The following CNTNAP5 variants were observed in gnomAD, a reference collection of about 807,000 sequenced individuals.
The protein encoded by CNTNAP5 is contactin associated protein family member 5.
A neutral mutation model predicts 150.2 loss-of-function variants in CNTNAP5; 72 were observed. The ratio of observed to expected loss-of-function variants is 0.48; its 90% CI spans 0.40 to 0.58. The LOEUF (loss-of-function observed/expected upper bound fraction) is 0.58, where lower values mean the gene tolerates loss of function less well. Ranked by LOEUF, CNTNAP5 falls within the 20% of genes least tolerant of loss-of-function variation. The pLI is 0.00. For synonymous variants in CNTNAP5, 672 were observed against 619.8 expected (o/e 1.08, Z -1.25); for missense variants, 1,636 against 1,626.2 (o/e 1.01, Z -0.10).
At chr2:124,049,309 A>C (rs1681628887) in intron 1 of CNTNAP5, among the ~76,000 whole-genome samples, 1 of 152,184 alleles carries the variant, frequency 6.6e-6, no homozygotes, top group African/African-American at 2.4e-5. Flanking sequence ...CTGCAATACG[A>C]ATGCCTCAGA....
intron 3 of CNTNAP5, among the ~76,000 whole-genome samples, chr2:124,306,254 G>T (rs1229346232): frequency 3.3e-5 from 5 of 152,128 alleles, no homozygotes; most frequent in Non-Finnish European, 5.9e-5. Flanking sequence ...AGTGCTCCCA[G>T]TCGCTCCCAC....
At chr2:124,270,415 G>A (rs927061439) in intron 3 of CNTNAP5, among the ~76,000 whole-genome samples, 5 of 152,198 alleles carry the variant, frequency 3.3e-5, no homozygotes, top group African/African-American at 1.2e-4. Context: ...CCAGGTCCCA[G>A]CCACACACCT....
rs1161597261 is a variant in CNTNAP5 at position 124,920,769 on chromosome 2, G to C, written c.*6481G>C. Among the ~76,000 whole-genome samples the C allele has an allele frequency of 1.3e-5, 2 of 152,134 alleles. No individual in the cohort carries two copies. The highest frequency in any genetic ancestry group is 1.9e-4 in the East Asian group (1 of 5,180). On this transcript the variant is annotated 3_prime_UTR_variant, in exon 24 of 24. Transcript: ENST00000682447. ...TTACGGTTTGCTGATTCCTAAGATA[G>C]AGCATTACAGTGTCTGTTTCAGATG...
chr2:124,820,670 C>A (rs908147943), intron 19 of CNTNAP5, among the ~76,000 whole-genome samples: 5 of 152,130 alleles, frequency 3.3e-5, no homozygotes, highest in Admixed American at 3.3e-4. Context: ...GTAATCTTCT[C>A]TTAAATATGG....
At chr2:124,287,730 G>A (rs1437669807) in intron 3 of CNTNAP5, among the ~76,000 whole-genome samples, 1 of 152,046 alleles carries the variant, frequency 6.6e-6, no homozygotes, top group African/African-American at 2.4e-5. Flanking sequence ...AGTCAACTTT[G>A]TTTTATTCTA....
intron 19 of CNTNAP5, among the ~76,000 whole-genome samples, chr2:124,838,315 AG>A (rs1294779226): frequency 6.6e-6 from 1 of 152,074 alleles, no homozygotes; most frequent in Non-Finnish European, 1.5e-5. Context: ...AGGCTTTCAC[AG>A]GTGATATCTA....
intron 3 of CNTNAP5, among the ~76,000 whole-genome samples, chr2:124,319,545 G>T (rs1210152899): frequency 6.6e-6 from 1 of 152,114 alleles, no homozygotes; most frequent in African/African-American, 2.4e-5. Context: ...CATGTGTTTG[G>T]TGTGTGTTTG....
chr2:124,100,521 A>G (rs1683039151), intron 1 of CNTNAP5, among the ~76,000 whole-genome samples: 1 of 152,064 alleles, frequency 6.6e-6, no homozygotes, highest in Non-Finnish European at 1.5e-5. Context: ...AGAGTCTGGA[A>G]TTTTTTTTCT....
chr2:124,816,473 CTTTTTTTTTT>C (rs34089178), intron 19 of CNTNAP5, among the ~76,000 whole-genome samples: 3 of 107,662 alleles, frequency 2.8e-5, no homozygotes, highest in African/African-American at 1.1e-4. Flanking sequence ...TTGCAGCTTA[CTTTTTTTTTT>C]TTTTTTTTTT....
chr2:124,835,292 T>C (rs745920475), intron 19 of CNTNAP5, among the ~76,000 whole-genome samples: 1 of 152,122 alleles, frequency 6.6e-6, no homozygotes, highest in Non-Finnish European at 1.5e-5. Flanking sequence ...TTTCCCCAAA[T>C]GTTATGATCA....
chr2:124,398,064 C>T (rs1003116297), intron 3 of CNTNAP5, among the ~76,000 whole-genome samples: 7 of 152,218 alleles, frequency 4.6e-5, no homozygotes, highest in Non-Finnish European at 1.0e-4. Flanking sequence ...TTTCTTTGCA[C>T]TGTGATTTAC....
At chr2:124,655,054 G>A (rs1459899727) in intron 13 of CNTNAP5, among the ~76,000 whole-genome samples, 1 of 151,912 alleles carries the variant, frequency 6.6e-6, no homozygotes, top group African/African-American at 2.4e-5. Context: ...GCATACATGT[G>A]CCATGGTGTT....
intron 3 of CNTNAP5, among the ~76,000 whole-genome samples, chr2:124,336,958 C>T (rs1689488559): frequency 6.6e-6 from 1 of 152,114 alleles, no homozygotes; most frequent in African/African-American, 2.4e-5. Flanking sequence ...ACACTGATTT[C>T]CACAGTGGTT....
chr2:124,089,082 A>G (rs1184961466), intron 1 of CNTNAP5, among the ~76,000 whole-genome samples: 2 of 152,198 alleles, frequency 1.3e-5, no homozygotes, highest in Non-Finnish European at 2.9e-5. Context: ...AAATGAGGGA[A>G]AAACAAAACT....
In CNTNAP5 at chr2:124,377,722, T is replaced by TA. The variant is rs56841058; in HGVS notation, c.382-39720dup. On this transcript the variant is annotated intron_variant, in intron 3 of 23. Coordinates refer to ENST00000682447, the MANE Select transcript of CNTNAP5 (RefSeq NM_001367498.1). Reference sequence around the variant, plus strand: ...AAAAAATAAATGCACCTTTTTTTTTTATGGATAATAATGCAAATCCCTGGG... The same window carrying TA: ...AAAAAATAAATGCACCTTTTTTTTTTAATGGATAATAATGCAAATCCCTGGG... 4.5e-3 allele frequency among the ~76,000 whole-genome samples: 683 copies of TA among 151,298 alleles called. 13 individuals are homozygous for TA. The highest frequency in any genetic ancestry group is 0.015 in the African/African-American group (639 of 41,286).
rs1009190547 is a variant in CNTNAP5, at chr2:124,172,634, G to A, written c.83-49071G>A. ...TCGCCATGTTGCTCAAGCTGATCTC[G>A]AACTTCTGAGCTCTAGCAATCTGTC... On this transcript the variant is annotated intron_variant, in intron 1 of 23. Transcript: ENST00000682447. Among the ~76,000 whole-genome samples, 9 of 152,048 alleles carry A rather than the reference G, an allele frequency of 5.9e-5. 1 individual carries two copies. The highest frequency in any genetic ancestry group is 3.9e-4 in the Admixed American group (6 of 15,266).
intron 3 of CNTNAP5, among the ~76,000 whole-genome samples, chr2:124,346,561 A>T (rs1435557817): frequency 6.6e-6 from 1 of 152,174 alleles, no homozygotes; most frequent in Non-Finnish European, 1.5e-5. Flanking sequence ...AATTCTATTG[A>T]TTGCAATTTA....
intron 14 of CNTNAP5, among the ~76,000 whole-genome samples, chr2:124,749,800 C>G (rs1271789151): frequency 6.6e-6 from 1 of 152,156 alleles, no homozygotes; most frequent in African/African-American, 2.4e-5. Context: ...CATTTGCCTA[C>G]TGAACACTAC....
chr2:124,363,720 A>T (rs1690284249), intron 3 of CNTNAP5, among the ~76,000 whole-genome samples: 1 of 152,178 alleles, frequency 6.6e-6, no homozygotes. Context: ...ACATACACAC[A>T]AAAGGGGCAA....
Sources: gnomAD v4.1 joint callset for allele counts (sites outside exome capture counted in the v4.1 genomes callset) on GRCh38, gnomAD v4.1.1 for gene constraint, MANE v1.5 for transcripts, NCBI Gene and HGNC (gene_info 2026-07-23, HGNC 2026-07-21) for gene names.